The following CEP112 variants were observed in gnomAD, a reference collection of about 807,000 sequenced individuals.
The protein encoded by CEP112 is centrosomal protein 112, also known as centrosomal protein of 112 kDa.
Under a neutral mutation model 153.0 loss-of-function variants are expected in CEP112, and 127 were observed. That is an observed-to-expected ratio of 0.83 (90% CI 0.72 to 0.96). The LOEUF is 0.96. Among genes scored for constraint, CEP112 ranks in the 40% least tolerant of loss-of-function variants. The pLI is 0.00. For missense variants in CEP112, 1,089 were observed against 1,101.2 expected (o/e 0.99, Z 0.16); for synonymous variants, 358 against 374.4 (o/e 0.96, Z 0.51).
At chr17:65,978,400 T>G (rs142769737) in intron 17 of CEP112, among the ~76,000 whole-genome samples, 174 of 152,354 alleles carry the variant, frequency 1.1e-3, no homozygotes, top group African/African-American at 3.3e-3. Flanking sequence ...AGCAATGAAG[T>G]AGGACTCGGT....
intron 23 of CEP112, among the ~76,000 whole-genome samples, chr17:65,722,485 G>T (rs529526840): frequency 6.6e-6 from 1 of 152,158 alleles, no homozygotes; most frequent in Non-Finnish European, 1.5e-5. Context: ...CTGACCTCAG[G>T]TGATCTGCCT....
intron 19 of CEP112, among the ~76,000 whole-genome samples, chr17:65,927,208 G>T (rs947168056): frequency 2.0e-5 from 3 of 152,130 alleles, no homozygotes; most frequent in Non-Finnish European, 4.4e-5. Context: ...TAAGGTGCCT[G>T]CTTCTGCTTC....
intron 23 of CEP112, among the ~76,000 whole-genome samples, chr17:65,705,575 AAAAG>A (rs1348416525): frequency 6.6e-6 from 1 of 152,198 alleles, no homozygotes; most frequent in African/African-American, 2.4e-5. Flanking sequence ...TGAGAGAACA[AAAAG>A]AAAAAGGAAG....
At chr17:66,186,241 C>A (rs2072929226) in intron 1 of CEP112, among the ~76,000 whole-genome samples, 1 of 152,158 alleles carries the variant, frequency 6.6e-6, no homozygotes, top group Non-Finnish European at 1.5e-5. Context: ...TCATCTCTGT[C>A]ATCTTGCAAA....
At chr17:65,935,976 T>C (rs1371054218) in intron 18 of CEP112, among the ~76,000 whole-genome samples, 2 of 151,896 alleles carry the variant, frequency 1.3e-5, no homozygotes, top group Non-Finnish European at 2.9e-5. Flanking sequence ...AGTTGGTTTT[T>C]CAAAAAAATA....
In CEP112 at chr17:65,781,521, C is replaced by CA. The variant is rs57368765; in HGVS notation, c.2395-30798dup. ...AAACTGTTATAAAATTCATATGGAA[C>CA]AAAAAAAAAAGCCCAAATAACCAAA... On this transcript the variant is annotated intron_variant, in intron 21 of 26. Coordinates refer to ENST00000535342, the MANE Select transcript of CEP112 (RefSeq NM_001199165.4). 7.6e-3 allele frequency among the ~76,000 whole-genome samples: 1,133 copies of CA among 149,286 alleles called. 17 individuals are homozygous for CA. Among genetic ancestry groups the CA allele is most frequent in the African/African-American group, 0.025 (1,023 of 40,440 alleles).
chr17:65,969,248 G>T lies in CEP112; in HGVS notation c.1737-7650C>A, dbSNP rs542361964. 4.0e-5 allele frequency among the ~76,000 whole-genome samples: 6 copies of T among 151,710 alleles called. No individual in the cohort carries two copies. In the South Asian group the frequency reaches 1.3e-3, roughly 32 times the overall value. On this transcript the variant is annotated intron_variant, in intron 17 of 26. Coordinates refer to ENST00000535342, the MANE Select transcript of CEP112 (RefSeq NM_001199165.4). Reference sequence around the variant, plus strand: ...AGGCATGCAGTACCACGCCTGACTAGTTTTTTTTGTATTTTTAGTAAACAT... The same window carrying T: ...AGGCATGCAGTACCACGCCTGACTATTTTTTTTTGTATTTTTAGTAAACAT...
At chr17:65,894,032 A>AT (rs2059576463) in intron 20 of CEP112, among the ~76,000 whole-genome samples, 1 of 152,128 alleles carries the variant, frequency 6.6e-6, no homozygotes, top group Non-Finnish European at 1.5e-5. Flanking sequence ...TACAGAACCG[A>AT]TTGAGTCAGA....
chr17:66,098,637 GT>G (rs1359651922), intron 6 of CEP112, among the ~76,000 whole-genome samples: 1 of 152,176 alleles, frequency 6.6e-6, no homozygotes, highest in Non-Finnish European at 1.5e-5. Flanking sequence ...TAGCATCTAG[GT>G]TAAAGGAAAT....
At chr17:66,096,876 C>A (rs1481212283) in intron 6 of CEP112, among the ~76,000 whole-genome samples, 1 of 152,116 alleles carries the variant, frequency 6.6e-6, no homozygotes, top group Non-Finnish European at 1.5e-5. Context: ...TAACTGCCCA[C>A]TCTCATCTTC....
chr17:65,667,084 A>G (rs565370141), intron 24 of CEP112, among the ~76,000 whole-genome samples: 109 of 152,306 alleles, frequency 7.2e-4, no homozygotes, highest in Middle Eastern at 3.4e-3. Flanking sequence ...AAATGAGCAC[A>G]TTGCTGGCTC....
rs370648224 is a variant in CEP112 at position 66,145,336 on chromosome 17, G to A, written c.471-12573C>T. ...AAATTTTTCTCCCATTCTGTACCCT[G>A]CCAGGTAATTTTCCAAATGGTGCCT... On this transcript the variant is annotated intron_variant, in intron 4 of 26. Transcript: ENST00000535342. Among the ~76,000 whole-genome samples, 11 of 152,016 alleles carry A rather than the reference G, an allele frequency of 7.2e-5. 1 individual carries two copies. The East Asian group carries it at 1.2e-3, about 16-fold the overall frequency.
intron 23 of CEP112, among the ~76,000 whole-genome samples, chr17:65,739,876 A>G (rs2145121406): frequency 6.6e-6 from 1 of 152,302 alleles, no homozygotes; most frequent in African/African-American, 2.4e-5. Flanking sequence ...AGTCTCACCT[A>G]CCACTATTCC....
chr17:65,823,602 G>T (rs1482040043), intron 21 of CEP112, among the ~76,000 whole-genome samples: 2 of 152,244 alleles, frequency 1.3e-5, no homozygotes, highest in South Asian at 2.1e-4. Flanking sequence ...GTCAGGCAAA[G>T]ATTTTTTATA....
At chr17:65,966,351 A>G (rs976046311) in intron 17 of CEP112, among the ~76,000 whole-genome samples, 3 of 152,222 alleles carry the variant, frequency 2.0e-5, no homozygotes, top group African/African-American at 7.2e-5. Context: ...TTACAAGCTA[A>G]CATGTATATG....
intron 24 of CEP112, among the ~76,000 whole-genome samples, chr17:65,674,437 G>T (rs990246911): frequency 6.6e-6 from 1 of 152,226 alleles, no homozygotes; most frequent in East Asian, 1.9e-4. Flanking sequence ...GCCAATTCTA[G>T]AGTGGTTGGT....
intron 18 of CEP112, among the ~76,000 whole-genome samples, chr17:65,946,563 C>A (rs974714932): frequency 6.6e-6 from 1 of 152,076 alleles, no homozygotes; most frequent in South Asian, 2.1e-4. Flanking sequence ...TATTAATTAC[C>A]ATGGTTTAAC....
At chr17:65,819,024 G>C (rs2056405730) in intron 21 of CEP112, among the ~76,000 whole-genome samples, 1 of 151,840 alleles carries the variant, frequency 6.6e-6, no homozygotes, top group South Asian at 2.1e-4. Context: ...AGAATCTCTT[G>C]TAATTTTTTC....
chr17:65,734,697 G>A (rs372566123), intron 23 of CEP112, among the ~76,000 whole-genome samples: 1 of 152,162 alleles, frequency 6.6e-6, no homozygotes, highest in Non-Finnish European at 1.5e-5. Flanking sequence ...CTTGCAAGAT[G>A]TTATTTTGAT....
Sources: allele counts gnomAD v4.1 joint callset (sites outside exome capture counted in the v4.1 genomes callset), GRCh38; gene constraint gnomAD v4.1.1; transcripts MANE v1.5; gene names NCBI Gene and HGNC (gene_info 2026-07-23, HGNC 2026-07-21).